EPHA6: variants seen among roughly 807,000 people sequenced by gnomAD.
EPHA6 encodes the protein ephrin type-A receptor 6.
In EPHA6, 50 loss-of-function variants were observed where a neutral mutation model predicts 112.0. The ratio of observed to expected loss-of-function variants is 0.45; its 90% CI spans 0.36 to 0.56. The LOEUF is 0.56. Among genes scored for constraint, EPHA6 ranks in the 20% least tolerant of loss-of-function variants. The pLI is 0.00. For missense variants in EPHA6, 1,280 were observed against 1,417.4 expected (o/e 0.90, Z 1.56); for synonymous variants, 529 against 490.7 (o/e 1.08, Z -1.03).
At chr3:97,360,689 G>A (rs939723602) in intron 5 of EPHA6, among the ~76,000 whole-genome samples, 1 of 152,012 alleles carries the variant, frequency 6.6e-6, no homozygotes, top group Non-Finnish European at 1.5e-5. Context: ...CTTAAACCAC[G>A]TTTGGTTAAT....
rs1299564000 is a variant in EPHA6 at position 97,422,634 on chromosome 3, C to T, written c.1731+17360C>T. Among the ~76,000 whole-genome samples, 3 of 152,258 alleles carry T rather than the reference C, an allele frequency of 2.0e-5. No individual in the cohort carries two copies. The East Asian group carries it at 5.8e-4, about 29-fold the overall frequency. ...TCCACTGAACAACATACATTATTCT[C>T]AGCTGTACATAGCACATACTCTAAA... On this transcript the variant is annotated intron_variant, in intron 6 of 17. Coordinates refer to ENST00000389672, the MANE Select transcript of EPHA6 (RefSeq NM_001080448.3).
chr3:97,066,717 GATTTCAGGGCAGAGATT>G (rs1436752561), intron 3 of EPHA6, among the ~76,000 whole-genome samples: 1 of 152,156 alleles, frequency 6.6e-6, no homozygotes, highest in Non-Finnish European at 1.5e-5. Flanking sequence ...GAACTGTAGA[GATTTCAGGGCAGAGATT>G]ATTTACAGGT....
In EPHA6 at chr3:97,215,023, G is replaced by T. The variant is rs74713398; in HGVS notation, c.1115-11241G>T. Reference sequence around the variant, plus strand: ...TGCAGATCATATATTTTACTGATAAGTCATGCAGGTTTATCTAAACTTACA... The same window carrying T: ...TGCAGATCATATATTTTACTGATAATTCATGCAGGTTTATCTAAACTTACA... On this transcript the variant is annotated intron_variant, in intron 3 of 17. Coordinates refer to ENST00000389672, the MANE Select transcript of EPHA6 (RefSeq NM_001080448.3). Among the ~76,000 whole-genome samples the T allele has an allele frequency of 4.4e-3, 671 of 152,270 alleles. 1 individual carries two copies. The highest frequency in any genetic ancestry group is 0.015 in the African/African-American group (625 of 41,548).
chr3:97,563,917 A>G (rs957985385), intron 11 of EPHA6, among the ~76,000 whole-genome samples: 3 of 152,184 alleles, frequency 2.0e-5, no homozygotes, highest in Non-Finnish European at 2.9e-5. Context: ...TAAGCAAAGA[A>G]TGAAACAAAA....
chr3:97,211,450 G>C (rs966906984), intron 3 of EPHA6, among the ~76,000 whole-genome samples: 7 of 152,286 alleles, frequency 4.6e-5, no homozygotes, highest in African/African-American at 1.7e-4. Context: ...AAACAGCAGA[G>C]ATGTTTTTCT....
intron 16 of EPHA6, among the ~76,000 whole-genome samples, chr3:97,736,470 A>AGTGTGTGTGTGTGTGTGTGTGTGTGT (rs376497031): frequency 8.4e-6 from 1 of 118,812 alleles, no homozygotes; most frequent in African/African-American, 3.5e-5. Flanking sequence ...AGAGAGAGAG[A>AGTGTGTGTGTGTGTGTGTGTGTGTGT]GTGTGTGTGT....
intron 11 of EPHA6, among the ~76,000 whole-genome samples, chr3:97,567,677 C>A (rs561208306): frequency 1.4e-4 from 22 of 152,218 alleles, no homozygotes; most frequent in African/African-American, 4.8e-4. Flanking sequence ...GAGATCGAGG[C>A]AGAGATTGGA....
intron 2 of EPHA6, among the ~76,000 whole-genome samples, chr3:96,971,832 T>C (rs1274474650): frequency 1.3e-5 from 2 of 152,170 alleles, no homozygotes; most frequent in Non-Finnish European, 2.9e-5. Context: ...CATTCTGCAT[T>C]CTTAATCTTA....
intron 3 of EPHA6, among the ~76,000 whole-genome samples, chr3:97,200,017 G>T (rs963627473): frequency 1.3e-5 from 2 of 152,024 alleles, no homozygotes; most frequent in African/African-American, 4.8e-5. Context: ...TCAAATAGGG[G>T]TTATAGAGCA....
chr3:97,684,334 A>G (rs2032091914), intron 14 of EPHA6, among the ~76,000 whole-genome samples: 1 of 152,210 alleles, frequency 6.6e-6, no homozygotes, highest in Admixed American at 6.5e-5. Flanking sequence ...GGAAAGACCT[A>G]GGAAAAGCTT....
intron 14 of EPHA6, among the ~76,000 whole-genome samples, chr3:97,662,543 A>G (rs1324937673): frequency 6.6e-6 from 1 of 152,122 alleles, no homozygotes; most frequent in Non-Finnish European, 1.5e-5. Context: ...TCCCAGCTCA[A>G]TTCATCTCTG....
At chr3:97,367,585 A>T (rs569371913) in intron 5 of EPHA6, among the ~76,000 whole-genome samples, 15 of 150,090 alleles carry the variant, frequency 1.0e-4, no homozygotes, top group African/African-American at 3.4e-4. Flanking sequence ...TTTTTTTTGT[A>T]GTTTTCTGTT....
At chr3:97,497,665 C>A (rs1366248512) in intron 10 of EPHA6, among the ~76,000 whole-genome samples, 1 of 152,082 alleles carries the variant, frequency 6.6e-6, no homozygotes, top group Non-Finnish European at 1.5e-5. Context: ...ATAGAATTTA[C>A]AAGTGTTTAT....
chr3:97,095,289 C>G (rs959510570), intron 3 of EPHA6, among the ~76,000 whole-genome samples: 3 of 151,730 alleles, frequency 2.0e-5, no homozygotes, highest in African/African-American at 7.3e-5. Flanking sequence ...ACATCACACA[C>G]TGGGGCCTGT....
At chr3:97,688,756 T>C (rs1458639471) in intron 14 of EPHA6, among the ~76,000 whole-genome samples, 2 of 151,658 alleles carry the variant, frequency 1.3e-5, no homozygotes, top group African/African-American at 4.8e-5. Flanking sequence ...AAAAGTAACG[T>C]ACTTCTACCC....
At position 97,448,564 on chromosome 3, in the gene EPHA6, C is replaced by G. The variant is rs375807591; in HGVS notation, c.1732-4C>G. The G allele has an allele frequency of 5.6e-6, 9 of 1,611,736 alleles. No homozygotes were observed. Among genetic ancestry groups the G allele is most frequent in the African/African-American group, 4.0e-5 (3 of 74,636 alleles). ...TTCCTTTCTCCTTTTTTTCTGTCCC[C>G]CAGGAACATGAGCAGCTGACCTACT... On this transcript the variant is annotated splice_polypyrimidine_tract_variant and splice_region_variant and intron_variant, in intron 6 of 17. Transcript: ENST00000389672.
chr3:97,187,131 A>G (rs1006207299), intron 3 of EPHA6, among the ~76,000 whole-genome samples: 1 of 152,118 alleles, frequency 6.6e-6, no homozygotes, highest in East Asian at 1.9e-4. Flanking sequence ...CGTTCACATT[A>G]TATGCTAGCT....
intron 5 of EPHA6, among the ~76,000 whole-genome samples, chr3:97,274,362 CTGATGCCTTT>C (rs1311280386): frequency 1.3e-5 from 2 of 152,186 alleles, no homozygotes; most frequent in Admixed American, 1.3e-4. Flanking sequence ...GCAAAGGGAT[CTGATGCCTTT>C]TGATGGCCTT....
intron 3 of EPHA6, among the ~76,000 whole-genome samples, chr3:97,140,015 T>C (rs934450775): frequency 6.7e-6 from 1 of 149,922 alleles, no homozygotes; most frequent in Non-Finnish European, 1.5e-5. Flanking sequence ...AAAAAGAGAG[T>C]GTCTGGAAAT....
Sources: gnomAD v4.1 joint callset for allele counts (sites outside exome capture counted in the v4.1 genomes callset) on GRCh38, gnomAD v4.1.1 for gene constraint, MANE v1.5 for transcripts, NCBI Gene and HGNC (gene_info 2026-07-23, HGNC 2026-07-21) for gene names.